Variants in FOXN3 observed in about 807,000 individuals in gnomAD.
The protein encoded by FOXN3 is forkhead box N3, also known as forkhead box protein N3.
FOXN3 carries 7 observed loss-of-function variants against 38.4 expected under a neutral mutation model. The ratio of observed to expected loss-of-function variants is 0.18; its 90% confidence interval spans 0.10 to 0.34. FOXN3 has a LOEUF of 0.34. FOXN3 is among the 10% of genes least tolerant of loss of function. The probability of loss-of-function intolerance (pLI) is 1.00; values close to 1 mark genes in which losing one functional copy is unlikely to be tolerated. For missense variants in FOXN3, 456 were observed against 613.4 expected (o/e 0.74, Z 2.71); for synonymous variants, 230 against 242.2 (o/e 0.95, Z 0.47).
chr14:89,452,062 A>C (rs1390655343), intron 1 of FOXN3, among the ~76,000 whole-genome samples: 1 of 152,142 alleles, frequency 6.6e-6, no homozygotes, highest in Non-Finnish European at 1.5e-5. Context: ...TCTATTCCCT[A>C]GGGTCTAAAA....
At chr14:89,247,863 A>G (rs762565539) in intron 4 of FOXN3, among the ~76,000 whole-genome samples, 1 of 152,124 alleles carries the variant, frequency 6.6e-6, no homozygotes, top group Non-Finnish European at 1.5e-5. Context: ...AATCATTCCC[A>G]ATTCCTGTCC....
At chr14:89,327,033 A>T (rs1051576221) in intron 3 of FOXN3, among the ~76,000 whole-genome samples, 2 of 152,098 alleles carry the variant, frequency 1.3e-5, no homozygotes, top group Non-Finnish European at 2.9e-5. Context: ...TGGTGATTAG[A>T]TGCAATCATT....
intron 1 of FOXN3, among the ~76,000 whole-genome samples, chr14:89,432,077 A>G (rs1441498310): frequency 6.6e-6 from 1 of 152,236 alleles, no homozygotes; most frequent in Non-Finnish European, 1.5e-5. Context: ...AACCAAAGAA[A>G]TAGGAAAATC....
chr14:89,579,534 G>C (rs1895703944), intron 1 of FOXN3, among the ~76,000 whole-genome samples: 1 of 152,224 alleles, frequency 6.6e-6, no homozygotes, highest in South Asian at 2.1e-4. Context: ...CAATATACGA[G>C]CAATAAAATC....
intron 2 of FOXN3, chr14:89,354,997 TAC>T (rs1193452001): frequency 6.6e-6 from 1 of 151,760 alleles, no homozygotes; most frequent in African/African-American, 2.4e-5. Context: ...TGTGTATATA[TAC>T]ACTAACACCC....
At chr14:89,303,921 C>T (rs757950896) in intron 3 of FOXN3, among the ~76,000 whole-genome samples, 4 of 152,268 alleles carry the variant, frequency 2.6e-5, no homozygotes, top group East Asian at 1.9e-4. Flanking sequence ...GGGGACAAGA[C>T]GCCTTGTAAC....
At chr14:89,427,568 T>C (rs1892067148) in intron 1 of FOXN3, among the ~76,000 whole-genome samples, 1 of 150,778 alleles carries the variant, frequency 6.6e-6, no homozygotes, top group African/African-American at 2.4e-5. Flanking sequence ...TCCACCTGCC[T>C]CGGCCTTCCA....
intron 3 of FOXN3, among the ~76,000 whole-genome samples, chr14:89,300,972 C>A (rs574376571): frequency 6.9e-6 from 1 of 145,874 alleles, no homozygotes; most frequent in Non-Finnish European, 1.5e-5. Context: ...AATTTTTTTG[C>A]TTTTTTTTTT....
chr14:89,317,760 G>A (rs1161772839), intron 3 of FOXN3, among the ~76,000 whole-genome samples: 1 of 151,880 alleles, frequency 6.6e-6, no homozygotes, highest in Non-Finnish European at 1.5e-5. Context: ...CCAGTTCGGG[G>A]CCTGTTAGGA....
chr14:89,271,478 A>C (rs1596144772), intron 4 of FOXN3, among the ~76,000 whole-genome samples: 1 of 152,218 alleles, frequency 6.6e-6, no homozygotes, highest in Admixed American at 6.5e-5. Flanking sequence ...AATGCTCAAA[A>C]ATTAAATAAG....
intron 2 of FOXN3, among the ~76,000 whole-genome samples, chr14:89,362,144 G>C (rs867530997): frequency 2.2e-4 from 3 of 13,558 alleles, no homozygotes; most frequent in South Asian, 4.4e-3. Flanking sequence ...ACCACCTCCA[G>C]CACCACCTCC....
intron 5 of FOXN3, among the ~76,000 whole-genome samples, chr14:89,173,999 A>C (rs377192301): frequency 6.6e-6 from 1 of 152,166 alleles, no homozygotes; most frequent in Non-Finnish European, 1.5e-5. Flanking sequence ...TCTCAAATAA[A>C]TAAATAAATA....
chr14:89,303,668 A>G (rs1190216607), intron 3 of FOXN3, among the ~76,000 whole-genome samples: 1 of 151,982 alleles, frequency 6.6e-6, no homozygotes, highest in African/African-American at 2.4e-5. Context: ...TTACATAACT[A>G]CCTCCCGTTT....
intron 3 of FOXN3, among the ~76,000 whole-genome samples, chr14:89,323,743 A>AAAC (rs1887961999): frequency 2.2e-5 from 1 of 45,052 alleles, no homozygotes; most frequent in African/African-American, 6.5e-5. Flanking sequence ...AACAAACAAA[A>AAAC]AACGGAGAGG....
chr14:89,516,252 A>T (rs1290903119), intron 1 of FOXN3, among the ~76,000 whole-genome samples: 2 of 152,162 alleles, frequency 1.3e-5, no homozygotes, highest in Non-Finnish European at 2.9e-5. Flanking sequence ...CTTTAGAAAA[A>T]AATGGGATCT....
intron 1 of FOXN3, among the ~76,000 whole-genome samples, chr14:89,527,921 C>G (rs562457785): frequency 6.6e-6 from 1 of 151,980 alleles, no homozygotes; most frequent in African/African-American, 2.4e-5. Context: ...AGGTTGGTCT[C>G]GAACTCCTGA....
chr14:89,500,506 G>A (rs555154596), intron 1 of FOXN3, among the ~76,000 whole-genome samples: 5 of 152,288 alleles, frequency 3.3e-5, no homozygotes, highest in African/African-American at 7.2e-5. Flanking sequence ...TGTTTCAAGC[G>A]CCCTTTGAGA....
Position 89,436,618 on chromosome 14 carries a change from C to T in FOXN3, c.-14-24128G>A, listed in dbSNP as rs572093861. Among the ~76,000 whole-genome samples, 7 of 152,322 alleles carry T rather than the reference C, an allele frequency of 4.6e-5. 1 individual carries two copies. The highest frequency in any genetic ancestry group is 3.9e-4 in the Admixed American group (6 of 15,304). On this transcript the variant is annotated intron_variant, in intron 1 of 6. Coordinates refer to the FOXN3 transcript ENST00000345097. Reference sequence around the variant, plus strand: ...TCAGTGCACAAATCAACAAGATCCCCCTGTCGTTTAGACAGCCTGAGCTGG... The same window carrying T: ...TCAGTGCACAAATCAACAAGATCCCTCTGTCGTTTAGACAGCCTGAGCTGG...
chr14:89,455,333 G>A (rs1365121345), intron 1 of FOXN3, among the ~76,000 whole-genome samples: 1 of 152,212 alleles, frequency 6.6e-6, no homozygotes, highest in Non-Finnish European at 1.5e-5. Context: ...TCAGCCAAGG[G>A]AAAACCGTCA....
Sources: gnomAD v4.1 joint callset for allele counts (sites outside exome capture counted in the v4.1 genomes callset) on GRCh38, gnomAD v4.1.1 for gene constraint, MANE v1.5 for transcripts, NCBI Gene and HGNC (gene_info 2026-07-23, HGNC 2026-07-21) for gene names.